The following CFAP61 variants were observed in gnomAD, a reference collection of about 807,000 sequenced individuals.
CFAP61 encodes the protein cilia- and flagella-associated protein 61.
In CFAP61, 107 loss-of-function variants were observed where a neutral mutation model predicts 135.6. The observed-to-expected ratio is 0.79, with a 90% CI of 0.67 to 0.93. CFAP61 has a LOEUF of 0.93. Ranked by LOEUF, CFAP61 falls within the 40% of genes least tolerant of loss-of-function variation. CFAP61 has a pLI of 0.00. For synonymous variants in CFAP61, 575 were observed against 578.5 expected, an observed-to-expected ratio of 0.99 and a Z score of 0.09; for missense variants, 1,507 against 1,556.2, an observed-to-expected ratio of 0.97 and a Z score of 0.53.
rs1389754121 is a variant in CFAP61 at position 20,230,849 on chromosome 20, C to T, written c.2060+2473C>T. Among the ~76,000 whole-genome samples, 3 of 152,308 alleles carry T rather than the reference C, an allele frequency of 2.0e-5. No homozygotes were observed. The East Asian group carries it at 5.8e-4, about 29-fold the overall frequency. On this transcript the variant is annotated intron_variant, in intron 18 of 26. Transcript: ENST00000245957. Reference sequence around the variant, plus strand: ...AGGATTACGGGCAGGGGCCACAGCGCCCTGCTGCCTCCTTGTAGTCTTGAG... The same window carrying T: ...AGGATTACGGGCAGGGGCCACAGCGTCCTGCTGCCTCCTTGTAGTCTTGAG...
At position 20,291,318 on chromosome 20, in the gene CFAP61, GTCCC is replaced by G. The variant is rs973003422; in HGVS notation, c.3216+934_3216+937del. On this transcript the variant is annotated intron_variant, in intron 24 of 26. Coordinates refer to ENST00000245957, the MANE Select transcript of CFAP61 (RefSeq NM_015585.4). ...AGAACCCTCTGTGCACTGCCTGTTT[GTCCC>G]TCCCTCTGTCCTAAGGCCTAGCAAC... 2.6e-5 allele frequency among the ~76,000 whole-genome samples: 4 copies of G among 152,300 alleles called. No homozygotes were observed. The East Asian group carries it at 7.7e-4, about 29-fold the overall frequency.
chr20:20,104,890 A>G (rs538895162), intron 8 of CFAP61, among the ~76,000 whole-genome samples: 2 of 152,210 alleles, frequency 1.3e-5, no homozygotes, highest in Middle Eastern at 6.8e-3. Context: ...TTTTCTTTTT[A>G]TAAGGACACC....
intron 18 of CFAP61, among the ~76,000 whole-genome samples, chr20:20,244,137 T>G (rs945099245): frequency 6.6e-6 from 1 of 152,178 alleles, no homozygotes; most frequent in Admixed American, 6.5e-5. Flanking sequence ...TGAGTGACTG[T>G]GGCTTTTCCA....
chr20:20,271,114 A>G lies in CFAP61; in HGVS notation c.2504-6052A>G, dbSNP rs534688995. Among the ~76,000 whole-genome samples the G allele has an allele frequency of 1.0e-3, 159 of 152,264 alleles. 1 individual carries two copies. Among genetic ancestry groups the G allele is most frequent in the African/African-American group, 3.6e-3 (149 of 41,544 alleles). Reference sequence around the variant, plus strand: ...TGGAACCAGCCTGGTCAACATAGCAAGACCCCATCTCTACAAAAGTTTTTT... The same window carrying G: ...TGGAACCAGCCTGGTCAACATAGCAGGACCCCATCTCTACAAAAGTTTTTT... On this transcript the variant is annotated intron_variant, in intron 21 of 26. Coordinates refer to ENST00000245957, the MANE Select transcript of CFAP61 (RefSeq NM_015585.4).
chr20:20,122,888 A>G (rs893715987), intron 8 of CFAP61, among the ~76,000 whole-genome samples: 1 of 151,754 alleles, frequency 6.6e-6, no homozygotes. Context: ...CCAGCAGTGT[A>G]GAAGTGTTCC....
intron 1 of CFAP61, chr20:20,055,841 T>C: frequency 3.5e-6 from 3 of 847,654 alleles, no homozygotes; most frequent in South Asian, 2.8e-5. Context: ...GGCTAGTATA[T>C]AATAAAATGG....
intron 17 of CFAP61, among the ~76,000 whole-genome samples, chr20:20,211,254 C>T (rs1490384106): frequency 3.3e-5 from 5 of 152,200 alleles, no homozygotes; most frequent in Non-Finnish European, 7.3e-5. Flanking sequence ...CAAAGGGCTG[C>T]CCCACGTGGC....
chr20:20,247,029 G>C (rs2050504670), intron 19 of CFAP61, among the ~76,000 whole-genome samples: 1 of 152,182 alleles, frequency 6.6e-6, no homozygotes, highest in Non-Finnish European at 1.5e-5. Flanking sequence ...AAGGGCATGG[G>C]TTTGAGCCAG....
At chr20:20,107,282 A>G (rs750205409) in intron 8 of CFAP61, among the ~76,000 whole-genome samples, 1 of 152,226 alleles carries the variant, frequency 6.6e-6, no homozygotes, top group Non-Finnish European at 1.5e-5. Context: ...ACATGAAGCC[A>G]GTTATTTGAC....
intron 8 of CFAP61, among the ~76,000 whole-genome samples, chr20:20,100,100 A>G (rs2047906538): frequency 2.0e-5 from 3 of 152,022 alleles, no homozygotes; most frequent in Admixed American, 2.0e-4. Context: ...TATCAGTGTG[A>G]GACAGTCTGG....
At chr20:20,350,058 G>T (rs1350274233) in intron 26 of CFAP61, among the ~76,000 whole-genome samples, 1 of 152,148 alleles carries the variant, frequency 6.6e-6, no homozygotes, top group African/African-American at 2.4e-5. Flanking sequence ...AAAATTCAGA[G>T]TCCAGAAGTA....
chr20:20,299,249 A>G (rs762775737), intron 25 of CFAP61, among the ~76,000 whole-genome samples: 4 of 152,250 alleles, frequency 2.6e-5, no homozygotes, highest in Non-Finnish European at 5.9e-5. Context: ...CCCACTGCCT[A>G]TGTTAAGAAA....
At chr20:20,202,123 TACATTGAGTAACCTTTTC>T (rs1007079415) in intron 17 of CFAP61, among the ~76,000 whole-genome samples, 2 of 152,312 alleles carry the variant, frequency 1.3e-5, no homozygotes, top group Admixed American at 1.3e-4. Context: ...AACCATTGCT[TACATTGAGTAACCTTTTC>T]CATGTTTATC....
intron 25 of CFAP61, among the ~76,000 whole-genome samples, chr20:20,301,395 T>C (rs530258715): frequency 6.6e-6 from 1 of 152,208 alleles, no homozygotes; most frequent in Non-Finnish European, 1.5e-5. Context: ...TTTGTGTAAG[T>C]GCACTCTAGG....
intron 8 of CFAP61, among the ~76,000 whole-genome samples, chr20:20,133,341 G>T (rs2050684480): frequency 6.6e-6 from 1 of 152,186 alleles, no homozygotes; most frequent in African/African-American, 2.4e-5. Context: ...TGGCTGACAG[G>T]TGATCTAGTC....
intron 22 of CFAP61, among the ~76,000 whole-genome samples, chr20:20,285,920 C>CAAAAAAA (rs11476999): frequency 1.8e-5 from 2 of 110,270 alleles, no homozygotes; most frequent in African/African-American, 3.2e-5. Flanking sequence ...GACCCTGTCT[C>CAAAAAAA]AAAAAAAAAA....
intron 2 of CFAP61, 87 bp downstream of exon 2, chr20:20,056,883 C>A: frequency 8.2e-7 from 1 of 1,226,868 alleles, no homozygotes; most frequent in Non-Finnish European, 1.2e-6. Context: ...TTTGAGAGGC[C>A]AAGGCAGGCA....
At chr20:20,142,639 T>TGGAG (rs1278803475) in intron 8 of CFAP61, among the ~76,000 whole-genome samples, 3 of 152,080 alleles carry the variant, frequency 2.0e-5, no homozygotes, top group African/African-American at 7.2e-5. Context: ...CAAAGAGAGG[T>TGGAG]GGAGGGAGGG....
chr20:20,253,588 C>A, intron 20 of CFAP61: 1 of 492,626 alleles, frequency 2.0e-6, no homozygotes, highest in South Asian at 1.5e-5. Flanking sequence ...AGCAAACATT[C>A]AGCACTCTTT....
Sources: gnomAD v4.1 joint callset for allele counts (sites outside exome capture counted in the v4.1 genomes callset) on GRCh38, gnomAD v4.1.1 for gene constraint, MANE v1.5 for transcripts, NCBI Gene and HGNC (gene_info 2026-07-23, HGNC 2026-07-21) for gene names.